DAPP1: variants seen among roughly 807,000 people sequenced by gnomAD.
DAPP1 encodes the protein dual adaptor of phosphotyrosine and 3-phosphoinositides 1.
In DAPP1, 20 loss-of-function variants were observed where a neutral mutation model predicts 41.5. That is an observed-to-expected ratio of 0.48 (90% CI 0.34 to 0.70). The LOEUF is 0.70. Among genes scored for constraint, DAPP1 ranks in the 30% least tolerant of loss-of-function variants. DAPP1 has a pLI of 0.01. For missense variants in DAPP1, 233 were observed against 333.4 expected (o/e 0.70, Z 2.35); for synonymous variants, 113 against 116.2 (o/e 0.97, Z 0.18).
rs941223060 is a variant in DAPP1 at position 99,817,337 on chromosome 4, G to A, written c.101+323G>A. ...GGTGATGTTGCCTGGCTTCCTTGAT[G>A]TTGCTCTGGTTTATGAATAAATGCG... On this transcript the variant is annotated intron_variant, in intron 1 of 8. Coordinates refer to ENST00000512369, the MANE Select transcript of DAPP1 (RefSeq NM_014395.3). Among the ~76,000 whole-genome samples, 35 of 152,302 alleles carry A rather than the reference G, an allele frequency of 2.3e-4. 1 individual carries two copies. The highest frequency in any genetic ancestry group is 1.3e-4 in the Non-Finnish European group (9 of 68,022).
chr4:99,843,345 C>T (rs956718466), intron 3 of DAPP1, among the ~76,000 whole-genome samples: 1 of 152,144 alleles, frequency 6.6e-6, no homozygotes, highest in African/African-American at 2.4e-5. Context: ...TTTTTGCACT[C>T]AAAATAGATA....
chr4:99,848,919 C>G (rs1364575127), intron 3 of DAPP1, among the ~76,000 whole-genome samples: 4 of 152,120 alleles, frequency 2.6e-5, no homozygotes, highest in Non-Finnish European at 5.9e-5. Flanking sequence ...TCTCTGTATA[C>G]TGGGAGGTAC....
chr4:99,858,096 C>A (rs941879778), intron 4 of DAPP1, among the ~76,000 whole-genome samples: 1 of 152,192 alleles, frequency 6.6e-6, no homozygotes, highest in Non-Finnish European at 1.5e-5. Context: ...GCCTTCCAAA[C>A]TAGAAAATTA....
At chr4:99,859,177 A>G (rs549989078) in intron 4 of DAPP1, among the ~76,000 whole-genome samples, 1 of 152,188 alleles carries the variant, frequency 6.6e-6, no homozygotes, top group South Asian at 2.1e-4. Flanking sequence ...CAGCCTCCCA[A>G]AGTGCTGGGA....
At chr4:99,842,351 C>T (rs1028860959) in intron 3 of DAPP1, among the ~76,000 whole-genome samples, 4 of 152,332 alleles carry the variant, frequency 2.6e-5, no homozygotes, top group East Asian at 1.9e-4. Flanking sequence ...TATTTTTATC[C>T]TCTCCACTGC....
intron 3 of DAPP1, among the ~76,000 whole-genome samples, chr4:99,848,039 C>G (rs1380708270): frequency 6.6e-6 from 1 of 151,876 alleles, no homozygotes; most frequent in East Asian, 1.9e-4. Context: ...GTCTTGATCT[C>G]CTGACCTCAT....
intron 8 of DAPP1, 110 bp from the exon 9 acceptor site, chr4:99,868,007 G>T: frequency 1.0e-6 from 1 of 955,894 alleles, no homozygotes; most frequent in Non-Finnish European, 1.7e-6. Context: ...AATTAACTTA[G>T]AGTTGTATGA....
chr4:99,870,634 A>T (rs1320133266), downstream of DAPP1, among the ~76,000 whole-genome samples: 1 of 152,188 alleles, frequency 6.6e-6, no homozygotes, highest in Admixed American at 6.5e-5. Flanking sequence ...GAGAGGGAGG[A>T]TGTTTTGTGC....
At chr4:99,863,978 A>C (rs974217043) in intron 7 of DAPP1, 123 bp downstream of exon 7, 10 of 645,308 alleles carry the variant, frequency 1.5e-5, no homozygotes, top group Non-Finnish European at 2.6e-5. Context: ...GCATGCCTGC[A>C]TGTAAGGAGT....
chr4:99,870,733 A>T (rs1724611190), downstream of DAPP1, among the ~76,000 whole-genome samples: 1 of 152,214 alleles, frequency 6.6e-6, no homozygotes, highest in South Asian at 2.1e-4. Context: ...TGAGCTTATC[A>T]TTAAGACAAA....
chr4:99,848,545 T>A lies in DAPP1; in HGVS notation c.359-4673T>A, dbSNP rs986305733. Among the ~76,000 whole-genome samples the A allele has an allele frequency of 2.6e-5, 4 of 152,280 alleles. No homozygotes were observed. In the East Asian group the frequency reaches 7.7e-4, roughly 29 times the overall value. On this transcript the variant is annotated intron_variant, in intron 3 of 8. Coordinates refer to ENST00000512369, the MANE Select transcript of DAPP1 (RefSeq NM_014395.3). Reference sequence around the variant, plus strand: ...CGCCCTGCCCAGGAGCAGAATTTTTTAAAAGGATATTAACAATATACCCTC... The same window carrying A: ...CGCCCTGCCCAGGAGCAGAATTTTTAAAAAGGATATTAACAATATACCCTC...
intron 4 of DAPP1, among the ~76,000 whole-genome samples, chr4:99,858,804 AT>A (rs1195206765): frequency 3.9e-5 from 6 of 152,102 alleles, no homozygotes; most frequent in Admixed American, 3.9e-4. Context: ...GACTATCATT[AT>A]TTATTTTGAT....
intron 3 of DAPP1, among the ~76,000 whole-genome samples, chr4:99,851,017 A>G (rs1196034092): frequency 3.9e-5 from 6 of 152,192 alleles, no homozygotes; most frequent in Non-Finnish European, 1.5e-5. Flanking sequence ...GCTCTTTCCA[A>G]GGGTCCAGAG....
rs1462892136 is a variant in DAPP1, at chr4:99,839,357, ATATAGATATATATAGATATC to A, written c.225-914_225-895del. Among the ~76,000 whole-genome samples the A allele has an allele frequency of 1.4e-3, 192 of 140,246 alleles. No individual in the cohort carries two copies. In the Middle Eastern group the frequency reaches 0.014, roughly 11 times the overall value. 92.0% of individuals were successfully genotyped at this position (140,246 alleles called of 152,430 possible). ...ATAAAGTGGAGAGGCAGATATATAT[ATATAGATATATATAGATATC>A]TATAGATATATATAGATTAGATATC... On this transcript the variant is annotated intron_variant, in intron 2 of 8. Transcript: ENST00000512369.
intron 3 of DAPP1, among the ~76,000 whole-genome samples, chr4:99,846,745 C>T (rs1723677392): frequency 6.6e-6 from 1 of 152,180 alleles, no homozygotes; most frequent in Admixed American, 6.5e-5. Flanking sequence ...AAAATAGTGA[C>T]TTGACTTGGA....
intron 1 of DAPP1, among the ~76,000 whole-genome samples, chr4:99,820,783 A>G (rs1210005148): frequency 6.6e-6 from 1 of 152,256 alleles, no homozygotes; most frequent in Non-Finnish European, 1.5e-5. Context: ...CAGAGAACAC[A>G]GAAACAAATG....
chr4:99,817,031 C>T lies in DAPP1; in HGVS notation c.101+17C>T. The T allele has an allele frequency of 6.3e-7, 1 of 1,575,072 alleles. No individual in the cohort carries two copies. Among genetic ancestry groups the T allele is most frequent in the Non-Finnish European group, 8.6e-7 (1 of 1,158,176 alleles). On this transcript the variant is annotated intron_variant, in intron 1 of 8. Transcript: ENST00000512369. ...GGACTTGGGGTAAGGCAGCAGATCT[C>T]CTTTCAAAGTACCTAGTGGGTGGAC...
At chr4:99,829,771 A>G (rs933062361) in intron 1 of DAPP1, among the ~76,000 whole-genome samples, 5 of 148,784 alleles carry the variant, frequency 3.4e-5, no homozygotes, top group African/African-American at 1.3e-4. Flanking sequence ...CCATTCCCCC[A>G]TAGAAAATTA....
chr4:99,848,772 G>C (rs1219196768), intron 3 of DAPP1, among the ~76,000 whole-genome samples: 1 of 152,202 alleles, frequency 6.6e-6, no homozygotes, highest in Non-Finnish European at 1.5e-5. Context: ...ATGTAGTTCA[G>C]AAATTGAGTT....
Sources: gnomAD v4.1 joint callset for allele counts (sites outside exome capture counted in the v4.1 genomes callset) on GRCh38, gnomAD v4.1.1 for gene constraint, MANE v1.5 for transcripts, NCBI Gene and HGNC (gene_info 2026-07-23, HGNC 2026-07-21) for gene names.